The following IL7R variants were observed in gnomAD, a reference collection of about 807,000 sequenced individuals.
The protein encoded by IL7R is interleukin-7 receptor subunit alpha.
IL7R carries 38 observed loss-of-function variants against 47.0 expected under a neutral mutation model. The ratio of observed to expected loss-of-function variants is 0.81; its 90% CI spans 0.62 to 1.06. IL7R has a LOEUF of 1.06. Among genes scored for constraint, IL7R ranks in the 50% least tolerant of loss-of-function variants. The pLI, the probability that IL7R is intolerant of heterozygous loss-of-function variation, is 0.00. For synonymous variants in IL7R, 221 were observed against 199.8 expected (o/e 1.11, Z -0.89); for missense variants, 633 against 534.8 (o/e 1.18, Z -1.81).
intron 6 of IL7R, 189 bp from the exon 7 acceptor site, chr5:35,875,323 C>T (rs1760176525): frequency 4.6e-6 from 3 of 657,074 alleles, no homozygotes; most frequent in Admixed American, 2.2e-5. Context: ...TGGTCCAACC[C>T]CTCCTTGAAT....
chr5:35,874,659 G>A, intron 6 of IL7R, 117 bp downstream of exon 6: 1 of 805,352 alleles, frequency 1.2e-6, no homozygotes, highest in Non-Finnish European at 2.2e-6. Flanking sequence ...CACGAATTTA[G>A]TGCCCAGTAT....
chr5:35,871,191 A>G lies in IL7R; in HGVS notation c.515A>G (p.Glu172Gly), dbSNP rs199654814. The G allele has an allele frequency of 8.1e-6, 13 of 1,611,918 alleles. No individual in the cohort carries two copies. The highest frequency in any genetic ancestry group is 1.7e-4 in the Middle Eastern group (1 of 6,034). The change falls in exon 4 of 8, where the codon GAA (glutamate) becomes GGA (glycine). Residue 172 changes from glutamate (E) to glycine (G), a missense_variant. Physicochemically the swap from Glu to Gly is moderately conservative, Grantham distance 98 (BLOSUM62 -2). Coordinates refer to ENST00000303115, the MANE Select transcript of IL7R (RefSeq NM_002185.5). Reference sequence around the variant, plus strand: ...ATGCACGATGTAGCTTACCGCCAGGAAAAGGATGAAAACAAATGGACGGTA... The same window carrying G: ...ATGCACGATGTAGCTTACCGCCAGGGAAAGGATGAAAACAAATGGACGGTA... ...VLMHDVAYRQEKDENKWTHVN... is the reference protein window; with the variant it reads ...VLMHDVAYRQGKDENKWTHVN...
In IL7R at chr5:35,877,836, A is replaced by T; in HGVS notation, c.*1350A>T. On this transcript the variant is annotated 3_prime_UTR_variant, in exon 8 of 8. Transcript: ENST00000303115. ...AACTCAAAGTCAAGGCAACTGAGTA[A>T]TGTCAGCTCAGCAAAGTGCAGCAAA... is the stretch of plus-strand genomic sequence containing the variant. The T allele has an allele frequency of 4.3e-6, 1 of 233,282 alleles. No homozygotes were observed. The highest frequency in any genetic ancestry group is 8.5e-6 in the Non-Finnish European group (1 of 118,078). The allele number at this position is 233,282 out of a possible 1,614,324, so 14.5% of individuals were successfully genotyped here.
At chr5:35,870,086 G>C (rs1456887395) in intron 3 of IL7R, among the ~76,000 whole-genome samples, 2 of 152,170 alleles carry the variant, frequency 1.3e-5, no homozygotes, top group African/African-American at 4.8e-5. Context: ...AACTGCGCCT[G>C]AGATCAGTCA....
At position 35,876,233 on chromosome 5, in the gene IL7R, C is replaced by A. The variant is rs751674240; in HGVS notation, c.1127C>A (p.Ala376Glu). Residue 376 changes from alanine to glutamate, a missense_variant, in exon 8 of 8, where the codon GCA becomes GAA. Ala to Glu is a moderately radical substitution (Grantham distance 107). Coordinates refer to ENST00000303115, the MANE Select transcript of IL7R (RefSeq NM_002185.5). ...ACATGCCTGGCTGGGAATGTCAGTG[C>A]ATGTGACGCCCCTATTCTCTCCTCT... ...SLTCLAGNVS[A>E]CDAPILSSSR... 6.2e-7 allele frequency: 1 copy of A among 1,614,158 alleles called. No homozygotes were observed. Among genetic ancestry groups the A allele is most frequent in the Non-Finnish European group, 8.5e-7 (1 of 1,180,020 alleles).
At chr5:35,872,423 C>T (rs1462069258) in intron 4 of IL7R, among the ~76,000 whole-genome samples, 1 of 152,178 alleles carries the variant, frequency 6.6e-6, no homozygotes, top group Non-Finnish European at 1.5e-5. Context: ...GTCTTGAACT[C>T]CTCACCTCAG....
intron 3 of IL7R, among the ~76,000 whole-genome samples, chr5:35,869,607 C>G (rs1760020611): frequency 6.6e-6 from 1 of 152,150 alleles, no homozygotes; most frequent in African/African-American, 2.4e-5. Flanking sequence ...TTGAAGACAG[C>G]ATAAGCAAAG....
At chr5:35,868,269 C>G (rs923707209) in intron 3 of IL7R, among the ~76,000 whole-genome samples, 3 of 152,300 alleles carry the variant, frequency 2.0e-5, no homozygotes, top group African/African-American at 2.4e-5. Flanking sequence ...CTTAAAAATA[C>G]TTTTAGCATT....
chr5:35,866,826 A>T (rs146423012), intron 2 of IL7R, among the ~76,000 whole-genome samples: 2 of 152,096 alleles, frequency 1.3e-5, no homozygotes, highest in Non-Finnish European at 2.9e-5. Context: ...AAAATTACCT[A>T]TAAAAATCCA....
At chr5:35,868,522 A>T (rs1235773702) in intron 3 of IL7R, among the ~76,000 whole-genome samples, 3 of 152,226 alleles carry the variant, frequency 2.0e-5, no homozygotes. Flanking sequence ...CAGAAGCAGC[A>T]TTGGCCATGA....
rs1280418329 is a variant in IL7R at position 35,867,402 on chromosome 5, T to C, written c.318T>C (p.Asn106=). Reference sequence around the variant, plus strand: ...AATTCTTACTGATTGGAAAGAGCAATATATGTGTGAAGGTTGGAGAAAAGA... The same window carrying C: ...AATTCTTACTGATTGGAAAGAGCAACATATGTGTGAAGGTTGGAGAAAAGA... ...TKKFLLIGKS[N]ICVKVGEKSL... is the part of the protein sequence containing the mutation. The change falls in exon 3 of 8, where the codon AAT becomes AAC. Residue 106 remains asparagine, a synonymous_variant. Coordinates refer to ENST00000303115, the MANE Select transcript of IL7R (RefSeq NM_002185.5). 5 of 1,613,306 alleles carry C rather than the reference T, an allele frequency of 3.1e-6. No homozygotes were observed. Among genetic ancestry groups the C allele is most frequent in the Non-Finnish European group, 4.2e-6 (5 of 1,179,384 alleles).
intron 3 of IL7R, among the ~76,000 whole-genome samples, chr5:35,867,907 T>A (rs1464802387): frequency 1.4e-5 from 1 of 72,702 alleles, no homozygotes; most frequent in African/African-American, 1.0e-4. Flanking sequence ...TAGTCAGAGT[T>A]TTCTACAAAA....
intron 2 of IL7R, among the ~76,000 whole-genome samples, chr5:35,865,795 G>A (rs1759924515): frequency 6.6e-6 from 1 of 152,028 alleles, no homozygotes; most frequent in African/African-American, 2.4e-5. Flanking sequence ...GTGGGCAAAG[G>A]ATATGAACAG....
At chr5:35,875,151 C>T (rs1760171830) in intron 6 of IL7R, among the ~76,000 whole-genome samples, 2 of 152,184 alleles carry the variant, frequency 1.3e-5, no homozygotes, top group Admixed American at 1.3e-4. Flanking sequence ...AATAAAAAGA[C>T]AACACTTAAA....
intron 3 of IL7R, among the ~76,000 whole-genome samples, chr5:35,870,082 G>A (rs774221425): frequency 1.2e-4 from 19 of 152,102 alleles, no homozygotes; most frequent in South Asian, 4.1e-4. Context: ...GAACAACTGC[G>A]CCTGAGATCA....
At chr5:35,860,559 T>C (rs1027872264) in intron 1 of IL7R, among the ~76,000 whole-genome samples, 4 of 152,230 alleles carry the variant, frequency 2.6e-5, no homozygotes, top group African/African-American at 9.6e-5. Flanking sequence ...TCAATGCCTC[T>C]GGTTCTTTAA....
chr5:35,859,362 G>A (rs913017211), intron 1 of IL7R, among the ~76,000 whole-genome samples: 1 of 152,174 alleles, frequency 6.6e-6, no homozygotes, highest in Non-Finnish European at 1.5e-5. Flanking sequence ...GGACTGCCAT[G>A]TAAGGTCAGA....
intron 3 of IL7R, among the ~76,000 whole-genome samples, chr5:35,870,717 C>T (rs1760050257): frequency 6.6e-6 from 1 of 152,130 alleles, no homozygotes; most frequent in Admixed American, 6.5e-5. Flanking sequence ...GTATTAGGGG[C>T]ACTTTCCATC....
chr5:35,875,987 T>A lies in IL7R; in HGVS notation c.881T>A (p.Leu294Ter). 1 of 1,612,286 alleles carries A rather than the reference T, an allele frequency of 6.2e-7. No homozygotes were observed. Among genetic ancestry groups the A allele is most frequent in the Non-Finnish European group, 8.5e-7 (1 of 1,179,962 alleles). Reference protein sequence around the residue: ...EHLCKKPRKNLNVSFNPESFL... With the variant: ...EHLCKKPRKN ...CTTTCTCCTTTTTCTGTGCAGAATT[T>A]AAATGTGAGTTTCAATCCTGAAAGT... The change falls in exon 8 of 8, where the codon TTA (leucine) becomes TAA (stop). Residue 294 changes from leucine to a stop codon, truncating the protein, a stop_gained. Transcript: ENST00000303115. LOFTEE classifies it high-confidence loss of function.
Sources: gnomAD v4.1 joint callset for allele counts (sites outside exome capture counted in the v4.1 genomes callset) on GRCh38, gnomAD v4.1.1 for gene constraint, MANE v1.5 for transcripts, NCBI Gene and HGNC (gene_info 2026-07-23, HGNC 2026-07-21) for gene names.